Variants in LRP1B observed in about 807,000 individuals in gnomAD.
LRP1B encodes the protein LDL receptor related protein 1B.
LRP1B carries 217 observed loss-of-function variants against 556.6 expected under a neutral mutation model. The observed-to-expected ratio is 0.39, with a 90% CI of 0.35 to 0.44. The LOEUF (loss-of-function observed/expected upper bound fraction) is 0.44. LRP1B is among the 20% of genes least tolerant of loss of function. The pLI, the probability that LRP1B is intolerant of heterozygous loss-of-function variation, is 1.00. For missense variants in LRP1B, 5,053 were observed against 5,620.8 expected (o/e 0.90, Z 3.23); for synonymous variants, 2,047 against 1,865.8 (o/e 1.10, Z -2.50).
chr2:141,483,659 C>A (rs1257487729), intron 2 of LRP1B, among the ~76,000 whole-genome samples: 5 of 151,978 alleles, frequency 3.3e-5, no homozygotes, highest in African/African-American at 4.8e-5. Flanking sequence ...GCCATTCTAA[C>A]TGGTGTGAGA....
At chr2:141,618,189 T>A (rs1688379530) in intron 2 of LRP1B, among the ~76,000 whole-genome samples, 1 of 152,164 alleles carries the variant, frequency 6.6e-6, no homozygotes, top group African/African-American at 2.4e-5. Flanking sequence ...GCTTTTATTT[T>A]TTTTTTCCTC....
intron 32 of LRP1B, among the ~76,000 whole-genome samples, chr2:140,799,201 C>A (rs1487311707): frequency 2.0e-5 from 3 of 151,992 alleles, no homozygotes; most frequent in Non-Finnish European, 4.4e-5. Flanking sequence ...TGAATTATGT[C>A]CCCCTTCCCA....
At chr2:140,399,405 TTTAA>T (rs1185542449) in intron 66 of LRP1B, among the ~76,000 whole-genome samples, 1 of 152,154 alleles carries the variant, frequency 6.6e-6, no homozygotes, top group African/African-American at 2.4e-5. Flanking sequence ...GTGTAAAGCA[TTTAA>T]TTATTTCTTT....
chr2:140,923,197 G>T lies in LRP1B; in HGVS notation c.3137-50C>A, dbSNP rs769335232. The T allele has an allele frequency of 1.4e-5, 19 of 1,394,190 alleles. No individual in the cohort carries two copies. The South Asian group carries it at 1.8e-4, about 13-fold the overall frequency. The allele number at this position is 1,394,190 out of a possible 1,614,324, so 86.4% of individuals were successfully genotyped here. A position where few individuals can be genotyped will look rare whatever the true frequency, so the allele number is the denominator to read the frequency against. On this transcript the variant is annotated intron_variant, in intron 20 of 90. Transcript: ENST00000389484. ...AAGCAGAGGGGGGCAAGACAGGAGA[G>T]AAATTATGATTTTACTTGTTGGTAG... is the stretch of plus-strand genomic sequence containing the variant.
At chr2:140,758,633 G>A (rs912080325) in intron 35 of LRP1B, among the ~76,000 whole-genome samples, 26 of 151,870 alleles carry the variant, frequency 1.7e-4, no homozygotes, top group African/African-American at 5.8e-4. Context: ...TTACTTAACA[G>A]GGTTTTAAAT....
intron 3 of LRP1B, among the ~76,000 whole-genome samples, chr2:141,331,682 A>T (rs74597700): frequency 0.043 from 6,556 of 152,178 alleles, 285 homozygotes; most frequent in Admixed American, 0.13. Flanking sequence ...ATGTAAACAA[A>T]TCTTCTCCAG....
chr2:140,657,373 A>G (rs1035503069), intron 41 of LRP1B, among the ~76,000 whole-genome samples: 2 of 151,844 alleles, frequency 1.3e-5, no homozygotes, highest in Non-Finnish European at 2.9e-5. Flanking sequence ...TGATTTTCTC[A>G]GCACTTCGTA....
chr2:140,961,532 C>A (rs1215940253), intron 18 of LRP1B, among the ~76,000 whole-genome samples: 1 of 152,002 alleles, frequency 6.6e-6, no homozygotes, highest in Non-Finnish European at 1.5e-5. Flanking sequence ...TACTAAAACA[C>A]AAGCAATATT....
chr2:140,262,530 G>A (rs576555864), intron 86 of LRP1B, among the ~76,000 whole-genome samples: 75 of 152,274 alleles, frequency 4.9e-4, no homozygotes, highest in African/African-American at 1.8e-3. Context: ...GTTCTTTCCT[G>A]TTAATGTTTC....
At chr2:142,081,183 G>A (rs964809282) in intron 1 of LRP1B, among the ~76,000 whole-genome samples, 1 of 151,992 alleles carries the variant, frequency 6.6e-6, no homozygotes, top group Non-Finnish European at 1.5e-5. Context: ...TTTTTAGAGA[G>A]GTATTCAATA....
At chr2:141,589,500 A>G (rs1434540844) in intron 2 of LRP1B, among the ~76,000 whole-genome samples, 1 of 152,142 alleles carries the variant, frequency 6.6e-6, no homozygotes, top group Non-Finnish European at 1.5e-5. Flanking sequence ...TTTAACTACT[A>G]TCATTGCGCA....
At chr2:141,921,267 CA>C (rs1323057131) in intron 1 of LRP1B, among the ~76,000 whole-genome samples, 1 of 151,870 alleles carries the variant, frequency 6.6e-6, no homozygotes, top group Non-Finnish European at 1.5e-5. Context: ...GTCTTGAATC[CA>C]CAAAAAATTT....
rs138985264 is a variant in LRP1B, at chr2:141,218,055, GCTA to G, written c.850+11125_850+11127del. On this transcript the variant is annotated intron_variant, in intron 6 of 90. Transcript: ENST00000389484. ...ATACCATCTCAAACCAATCAGAATG[GCTA>G]CTATTAACAAGTCAAAATAACAGAT... Among the ~76,000 whole-genome samples the G allele has an allele frequency of 7.0e-3, 1,064 of 151,956 alleles. 10 individuals carry two copies. Among genetic ancestry groups the G allele is most frequent in the African/African-American group, 0.023 (963 of 41,426 alleles).
intron 41 of LRP1B, among the ~76,000 whole-genome samples, chr2:140,621,105 G>C (rs1683433685): frequency 6.6e-6 from 1 of 151,924 alleles, no homozygotes; most frequent in Admixed American, 6.6e-5. Context: ...TATTGGGCCA[G>C]GTGTGGTGGC....
At chr2:140,605,044 G>A (rs1682818510) in intron 41 of LRP1B, among the ~76,000 whole-genome samples, 1 of 152,044 alleles carries the variant, frequency 6.6e-6, no homozygotes, top group African/African-American at 2.4e-5. Context: ...AGCAGCATGA[G>A]AACAGACTAA....
At chr2:141,199,538 T>C (rs1681909248) in intron 6 of LRP1B, among the ~76,000 whole-genome samples, 1 of 152,194 alleles carries the variant, frequency 6.6e-6, no homozygotes, top group Non-Finnish European at 1.5e-5. Flanking sequence ...TCTAATATTG[T>C]CTTTGCTCAC....
At chr2:140,750,440 G>C (rs200426412) in intron 35 of LRP1B, among the ~76,000 whole-genome samples, 1 of 151,686 alleles carries the variant, frequency 6.6e-6, no homozygotes, top group Non-Finnish European at 1.5e-5. Flanking sequence ...TTATATTTTT[G>C]TTATATATCC....
intron 85 of LRP1B, among the ~76,000 whole-genome samples, chr2:140,274,109 A>T (rs951040190): frequency 2.6e-5 from 4 of 152,008 alleles, no homozygotes; most frequent in African/African-American, 7.2e-5. Flanking sequence ...ATTGAATAAT[A>T]TTACATGTAG....
At chr2:141,370,616 G>T (rs1374948114) in intron 3 of LRP1B, among the ~76,000 whole-genome samples, 1 of 152,056 alleles carries the variant, frequency 6.6e-6, no homozygotes, top group African/African-American at 2.4e-5. Flanking sequence ...TCACTCCTTT[G>T]TTATTTCTTT....
Sources: allele counts gnomAD v4.1 joint callset (sites outside exome capture counted in the v4.1 genomes callset), GRCh38; gene constraint gnomAD v4.1.1; transcripts MANE v1.5; gene names NCBI Gene and HGNC (gene_info 2026-07-23, HGNC 2026-07-21).